Variants in AK9 observed in about 807,000 individuals in gnomAD.
AK9 encodes the protein adenylate kinase domain containing 1.
Under a neutral mutation model 239.6 loss-of-function variants are expected in AK9, and 191 were observed. The ratio of observed to expected loss-of-function variants is 0.80; its 90% CI spans 0.71 to 0.90. The LOEUF (loss-of-function observed/expected upper bound fraction) is 0.90, where lower values mean the gene tolerates loss of function less well. Ranked by LOEUF, AK9 falls within the 40% of genes least tolerant of loss-of-function variation. The pLI is 0.00. For synonymous variants in AK9, 689 were observed against 721.0 expected, an observed-to-expected ratio of 0.96 and a Z score of 0.71; for missense variants, 1,995 against 2,214.7, an observed-to-expected ratio of 0.90 and a Z score of 1.99.
rs538809060 is a variant in AK9, at chr6:109,563,595, GCCTCTTCCTCTT to G, written c.2741_2751+1del. The G allele has an allele frequency of 3.7e-5, 58 of 1,549,934 alleles. No individual in the cohort carries two copies. Among genetic ancestry groups the G allele is most frequent in the Non-Finnish European group, 4.9e-5 (56 of 1,146,696 alleles). On this transcript the variant is annotated splice_donor_variant and coding_sequence_variant, in exon 24 of 41. Transcript: ENST00000424296. LOFTEE classifies it high-confidence loss of function. The stretch of plus-strand genomic sequence containing the variant: ...GAATGAGTAGAAATAAAAGAATCAT[GCCTCTTCCTCTT>G]CCTCTTCCTCTAGCTCCTCATCAAC...
At chr6:109,538,639 C>A (rs1782373174) in intron 27 of AK9, among the ~76,000 whole-genome samples, 1 of 151,814 alleles carries the variant, frequency 6.6e-6, no homozygotes, top group Non-Finnish European at 1.5e-5. Flanking sequence ...TGAATTTGAT[C>A]CTGTCATTAT....
chr6:109,672,729 T>C (rs866685), intron 3 of AK9, among the ~76,000 whole-genome samples: 120,560 of 152,090 alleles, frequency 0.79, 47,955 homozygotes, highest in African/African-American at 0.88. Flanking sequence ...CCTGGGGGAG[T>C]TAACTCTGTA....
Position 109,573,552 on chromosome 6 carries a change from C to A in AK9, c.2234G>T (p.Gly745Val). ...TDNEDEEEIEGDELEVHEEPE... is the reference protein window; with the variant it reads ...TDNEDEEEIEVDELEVHEEPE... ...CTCTTCGTGAACTTCCAACTCATCA[C>A]CTTCAATCTCCTCTTCATCCTCATT... The change falls in exon 21 of 41, where the codon GGT (glycine) becomes GTT (valine). Residue 745 changes from glycine to valine, a missense_variant. Physicochemically the swap from Gly to Val is moderately radical, Grantham distance 109. Coordinates refer to ENST00000424296, the MANE Select transcript of AK9 (RefSeq NM_001145128.3). 6.4e-7 allele frequency: 1 copy of A among 1,550,956 alleles called. No individual in the cohort carries two copies. Among genetic ancestry groups the A allele is most frequent in the Non-Finnish European group, 8.7e-7 (1 of 1,146,570 alleles).
chr6:109,526,803 A>T (rs1323991886), intron 29 of AK9, among the ~76,000 whole-genome samples: 1 of 152,010 alleles, frequency 6.6e-6, no homozygotes, highest in Non-Finnish European at 1.5e-5. Flanking sequence ...ACCCATGCAC[A>T]CTTTTGCTTG....
At chr6:109,681,014 C>T (rs548211091) in intron 1 of AK9, among the ~76,000 whole-genome samples, 66 of 152,200 alleles carry the variant, frequency 4.3e-4, no homozygotes, top group African/African-American at 1.6e-3. Flanking sequence ...TAAAGAACAT[C>T]GACACTATGA....
At chr6:109,587,812 T>A (rs988953418) in intron 17 of AK9, among the ~76,000 whole-genome samples, 6 of 152,244 alleles carry the variant, frequency 3.9e-5, no homozygotes, top group African/African-American at 1.4e-4. Flanking sequence ...AGATACTCAA[T>A]AATGGGATTG....
intron 1 of AK9, among the ~76,000 whole-genome samples, chr6:109,678,485 G>A (rs1287817589): frequency 6.6e-6 from 1 of 152,126 alleles, no homozygotes; most frequent in Non-Finnish European, 1.5e-5. Flanking sequence ...TATCTTGACT[G>A]TATCAATGTC....
At chr6:109,496,875 C>T (rs780337469) in intron 38 of AK9, among the ~76,000 whole-genome samples, 13 of 152,132 alleles carry the variant, frequency 8.5e-5, no homozygotes, top group Non-Finnish European at 1.3e-4. Flanking sequence ...CACTTACAAT[C>T]AGTCAATGTG....
intron 19 of AK9, among the ~76,000 whole-genome samples, chr6:109,583,982 G>C (rs1051331018): frequency 3.3e-5 from 5 of 152,060 alleles, no homozygotes; most frequent in African/African-American, 1.2e-4. Context: ...TAGCTGATTG[G>C]AGCTAATTAG....
At chr6:109,514,566 A>T (rs1475197010) in intron 31 of AK9, 129 bp from the exon 32 acceptor site, 1 of 784,564 alleles carries the variant, frequency 1.3e-6, no homozygotes, top group Non-Finnish European at 2.0e-6. Flanking sequence ...AAAACTAATT[A>T]TAATCAAAGG....
At chr6:109,516,751 G>T (rs1376955323) in intron 29 of AK9, 109 bp from the exon 30 acceptor site, 2 of 925,108 alleles carry the variant, frequency 2.2e-6, no homozygotes, top group Non-Finnish European at 3.2e-6. Flanking sequence ...GGTTGGTATT[G>T]CATGTTGACA....
chr6:109,578,908 G>A (rs1430197551), intron 20 of AK9, among the ~76,000 whole-genome samples: 1 of 152,098 alleles, frequency 6.6e-6, no homozygotes, highest in African/African-American at 2.4e-5. Flanking sequence ...GTATAATTTT[G>A]ATTTTCTTAA....
chr6:109,645,125 A>G (rs1286839657), intron 8 of AK9, among the ~76,000 whole-genome samples: 1 of 152,200 alleles, frequency 6.6e-6, no homozygotes, highest in African/African-American at 2.4e-5. Context: ...TCCGGTCTAC[A>G]GCTCCCAGCG....
chr6:109,537,173 G>A (rs991113591), intron 27 of AK9, among the ~76,000 whole-genome samples: 6 of 152,150 alleles, frequency 3.9e-5, no homozygotes, highest in African/African-American at 1.4e-4. Context: ...AGTTTCAGAA[G>A]GATTGGTACC....
intron 5 of AK9, among the ~76,000 whole-genome samples, chr6:109,663,668 C>G (rs569666909): frequency 6.6e-6 from 1 of 152,292 alleles, no homozygotes; most frequent in East Asian, 1.9e-4. Context: ...ACTCAGTGAA[C>G]CAACATTTTC....
In AK9 at chr6:109,626,651, T is replaced by G. The variant is rs1463554081; in HGVS notation, c.1254+6272A>C. 1.3e-5 allele frequency among the ~76,000 whole-genome samples: 2 copies of G among 152,228 alleles called. 1 individual carries two copies. The highest frequency in any genetic ancestry group is 1.3e-4 in the Admixed American group (2 of 15,286). On this transcript the variant is annotated intron_variant, in intron 12 of 40. Coordinates refer to ENST00000424296, the MANE Select transcript of AK9 (RefSeq NM_001145128.3). ...GCCTATTGCTCCTAGGCTACAAACC[T>G]GTACAGCTTGTTGCTGTACTGAATT...
At chr6:109,520,016 C>T (rs1388655104) in intron 29 of AK9, among the ~76,000 whole-genome samples, 7 of 152,102 alleles carry the variant, frequency 4.6e-5, no homozygotes, top group African/African-American at 1.4e-4. Context: ...TTGTCAGATG[C>T]ATAGTTTGTG....
At chr6:109,493,739 A>G (rs915888454) in intron 40 of AK9, among the ~76,000 whole-genome samples, 168 bp from the exon 41 acceptor site, 3 of 152,176 alleles carry the variant, frequency 2.0e-5, no homozygotes, top group Admixed American at 6.5e-5. Context: ...AATTGCCTCT[A>G]TTCACCCTTC....
chr6:109,596,653 C>T (rs1791072470), intron 17 of AK9, among the ~76,000 whole-genome samples: 2 of 152,160 alleles, frequency 1.3e-5, no homozygotes, highest in East Asian at 1.9e-4. Context: ...AGTGCCACTG[C>T]AATGAAATCT....
Sources: allele counts gnomAD v4.1 joint callset (sites outside exome capture counted in the v4.1 genomes callset), GRCh38; gene constraint gnomAD v4.1.1; transcripts MANE v1.5; gene names NCBI Gene and HGNC (gene_info 2026-07-23, HGNC 2026-07-21).